Variants in FRAS1 observed in about 807,000 individuals in gnomAD.
The protein encoded by FRAS1 is extracellular matrix organizing protein FRAS1.
In FRAS1, 290 loss-of-function variants were observed where a neutral mutation model predicts 435.2. That is an observed-to-expected ratio of 0.67 (90% CI 0.61 to 0.73). The LOEUF is 0.73. Among genes scored for constraint, FRAS1 ranks in the 30% least tolerant of loss-of-function variants. The pLI is 0.00. For synonymous variants in FRAS1, 1,800 were observed against 1,851.0 expected (o/e 0.97, Z 0.71); for missense variants, 4,860 against 5,001.5 (o/e 0.97, Z 0.85).
At chr4:78,241,657 G>T (rs937127951) in intron 3 of FRAS1, among the ~76,000 whole-genome samples, 1 of 152,094 alleles carries the variant, frequency 6.6e-6, no homozygotes, top group Non-Finnish European at 1.5e-5. Flanking sequence ...CCAGCTGGGG[G>T]TTGAAAGACT....
intron 2 of FRAS1, among the ~76,000 whole-genome samples, chr4:78,196,254 GC>G (rs1722808434): frequency 6.6e-6 from 1 of 152,176 alleles, no homozygotes; most frequent in South Asian, 2.1e-4. Flanking sequence ...TGATCCGCCT[GC>G]CTTGGCCTCC....
chr4:78,075,366 C>A (rs1740587117), intron 2 of FRAS1, among the ~76,000 whole-genome samples: 1 of 152,128 alleles, frequency 6.6e-6, no homozygotes, highest in South Asian at 2.1e-4. Flanking sequence ...CTGACTTAAC[C>A]AGCACAGGAA....
At chr4:78,130,338 G>C (rs892166902) in intron 2 of FRAS1, among the ~76,000 whole-genome samples, 1 of 152,126 alleles carries the variant, frequency 6.6e-6, no homozygotes, top group South Asian at 2.1e-4. Context: ...TATAAATATA[G>C]GGTAGATTAT....
chr4:78,521,972 C>T (rs75265139), intron 68 of FRAS1, among the ~76,000 whole-genome samples: 21,222 of 152,162 alleles, frequency 0.14, 1,779 homozygotes, highest in Non-Finnish European at 0.2. Context: ...GTTCCACAAA[C>T]GTCTTTTCCA....
chr4:78,394,073 T>C (rs1463398874), intron 29 of FRAS1, among the ~76,000 whole-genome samples: 1 of 152,012 alleles, frequency 6.6e-6, no homozygotes, highest in East Asian at 1.9e-4. Context: ...ATTTTTTTGC[T>C]TTTGAGTTGT....
chr4:78,150,274 G>A (rs1720591014), intron 2 of FRAS1, among the ~76,000 whole-genome samples: 1 of 152,130 alleles, frequency 6.6e-6, no homozygotes, highest in African/African-American at 2.4e-5. Flanking sequence ...AAGATAAGTA[G>A]TTTTCAAACT....
intron 35 of FRAS1, among the ~76,000 whole-genome samples, chr4:78,427,173 G>T (rs952778401): frequency 6.6e-6 from 1 of 152,122 alleles, no homozygotes; most frequent in African/African-American, 2.4e-5. Context: ...TGGATTAATG[G>T]TTAATCATGG....
chr4:78,063,889 A>G (rs746028246), intron 1 of FRAS1, among the ~76,000 whole-genome samples: 1 of 152,118 alleles, frequency 6.6e-6, no homozygotes, highest in Non-Finnish European at 1.5e-5. Flanking sequence ...AAATTTTGTT[A>G]AATTGTACCT....
rs562875648 is a variant in FRAS1, at chr4:78,311,173, C to G, written c.1678+2964C>G. 2.6e-5 allele frequency among the ~76,000 whole-genome samples: 4 copies of G among 151,368 alleles called. No homozygotes were observed. In the East Asian group the frequency reaches 5.8e-4, roughly 22 times the overall value. On this transcript the variant is annotated intron_variant, in intron 15 of 73. Transcript: ENST00000512123. Reference sequence around the variant, plus strand: ...TCATTCCCTCTCTTTTTTTTCCTTTCTCTTTCTTCCCTCCTTTTTTCTTTC... The same window carrying G: ...TCATTCCCTCTCTTTTTTTTCCTTTGTCTTTCTTCCCTCCTTTTTTCTTTC...
intron 1 of FRAS1, among the ~76,000 whole-genome samples, chr4:78,063,681 A>G (rs1000177040): frequency 7.2e-5 from 11 of 152,088 alleles, no homozygotes; most frequent in Non-Finnish European, 1.2e-4. Context: ...GGCTATCTAA[A>G]CTTCCAAAAA....
chr4:78,527,859 C>T (rs1721589668), intron 70 of FRAS1, among the ~76,000 whole-genome samples: 1 of 152,078 alleles, frequency 6.6e-6, no homozygotes. Flanking sequence ...ATAATCCAAT[C>T]GAGGGGAAAG....
intron 41 of FRAS1, chr4:78,444,307 C>A (rs1044344020): frequency 8.2e-6 from 2 of 244,196 alleles, no homozygotes; most frequent in Non-Finnish European, 1.7e-5. Context: ...GGTCACTGGC[C>A]GCTTAGACCT....
intron 17 of FRAS1, 32 bp from the exon 18 acceptor site, chr4:78,318,778 G>C: frequency 2.0e-6 from 3 of 1,522,094 alleles, no homozygotes; most frequent in Non-Finnish European, 8.8e-7. Context: ...TTGATCCTTG[G>C]ATTATTTTCT....
intron 59 of FRAS1, 43 bp downstream of exon 59, chr4:78,489,123 G>T (rs772573888): frequency 1.3e-6 from 2 of 1,543,588 alleles, no homozygotes; most frequent in Non-Finnish European, 1.8e-6. Flanking sequence ...TTCTCTTATT[G>T]TCTTTATTTG....
At chr4:78,519,556 T>G in intron 67 of FRAS1, 75 bp downstream of exon 67, 1 of 1,505,912 alleles carries the variant, frequency 6.6e-7, no homozygotes, top group East Asian at 2.3e-5. Context: ...GAGTAGTGAC[T>G]TTTAACAGTA....
At chr4:78,058,749 A>C (rs555332851) in intron 1 of FRAS1, among the ~76,000 whole-genome samples, 1 of 152,300 alleles carries the variant, frequency 6.6e-6, no homozygotes, top group East Asian at 1.9e-4. Flanking sequence ...CCGAGGCTCC[A>C]AGCTACCTGT....
At chr4:78,114,083 G>A (rs1417066719) in intron 2 of FRAS1, among the ~76,000 whole-genome samples, 1 of 152,240 alleles carries the variant, frequency 6.6e-6, no homozygotes, top group Non-Finnish European at 1.5e-5. Context: ...TATTAAATAG[G>A]GAATTCTTTC....
chr4:78,359,291 T>TG (rs11370690), intron 20 of FRAS1, among the ~76,000 whole-genome samples: 94,121 of 151,462 alleles, frequency 0.62, 29,823 homozygotes, highest in Non-Finnish European at 0.67. Context: ...TATACTTTTC[T>TG]GTTATAAGTC....
Position 78,252,570 on chromosome 4 carries a change from A to G in FRAS1, c.469+19A>G, listed in dbSNP as rs766462656. ...CTTGGGAGTGAGTATGAGCTTGTAGAAGGGGACCCTCTTTGCTTGGGAGGT... is the reference window on the plus strand; with the variant it reads ...CTTGGGAGTGAGTATGAGCTTGTAGGAGGGGACCCTCTTTGCTTGGGAGGT... On this transcript the variant is annotated intron_variant, in intron 5 of 73. Coordinates refer to ENST00000512123, the MANE Select transcript of FRAS1 (RefSeq NM_025074.7). 5 of 1,605,106 alleles carry G rather than the reference A, an allele frequency of 3.1e-6. No homozygotes were observed. Among genetic ancestry groups the G allele is most frequent in the Non-Finnish European group, 3.4e-6 (4 of 1,176,348 alleles).
Sources: allele counts gnomAD v4.1 joint callset (sites outside exome capture counted in the v4.1 genomes callset), GRCh38; gene constraint gnomAD v4.1.1; transcripts MANE v1.5; gene names NCBI Gene and HGNC (gene_info 2026-07-23, HGNC 2026-07-21).